The following TMTC2 variants were observed in gnomAD, a reference collection of about 807,000 sequenced individuals.
TMTC2 encodes the protein transmembrane O-mannosyltransferase targeting cadherins 2, also known as protein O-mannosyl-transferase TMTC2.
TMTC2 carries 43 observed loss-of-function variants against 82.4 expected under a neutral mutation model. The observed-to-expected ratio is 0.52, with a 90% CI of 0.41 to 0.67. The LOEUF (loss-of-function observed/expected upper bound fraction) is 0.67. Among genes scored for constraint, TMTC2 ranks in the 30% least tolerant of loss-of-function variants. The pLI is 0.00. For missense variants in TMTC2, 919 were observed against 1,012.4 expected, an observed-to-expected ratio of 0.91 and a Z score of 1.25; for synonymous variants, 408 against 381.9, an observed-to-expected ratio of 1.07 and a Z score of -0.80.
At chr12:83,095,814 C>T (rs1182419397) in intron 11 of TMTC2, among the ~76,000 whole-genome samples, 1 of 152,060 alleles carries the variant, frequency 6.6e-6, no homozygotes, top group East Asian at 1.9e-4. Flanking sequence ...TTAAATATGC[C>T]TCCAAGGCCT....
At chr12:83,057,065 C>T (rs1430846989) in intron 10 of TMTC2, among the ~76,000 whole-genome samples, 1 of 151,862 alleles carries the variant, frequency 6.6e-6, no homozygotes, top group Admixed American at 6.6e-5. Context: ...TTCTCCTTAT[C>T]CAAACATTAC....
intron 1 of TMTC2, among the ~76,000 whole-genome samples, chr12:82,734,983 C>T (rs767316368): frequency 6.6e-6 from 1 of 152,138 alleles, no homozygotes; most frequent in African/African-American, 2.4e-5. Flanking sequence ...AGAGAGCCCA[C>T]GTGGTATATT....
intron 1 of TMTC2, among the ~76,000 whole-genome samples, chr12:82,794,976 T>C (rs1051479997): frequency 1.3e-5 from 2 of 152,066 alleles, no homozygotes; most frequent in African/African-American, 4.8e-5. Context: ...TAAGCCAACA[T>C]AGAAGAGTTC....
At chr12:82,834,604 A>G (rs974998138) in intron 1 of TMTC2, among the ~76,000 whole-genome samples, 1 of 152,148 alleles carries the variant, frequency 6.6e-6, no homozygotes, top group South Asian at 2.1e-4. Context: ...CCTTTTTCCA[A>G]GTCACCGTTT....
At chr12:82,996,017 T>G (rs1186973686) in intron 8 of TMTC2, among the ~76,000 whole-genome samples, 1 of 152,236 alleles carries the variant, frequency 6.6e-6, no homozygotes, top group African/African-American at 2.4e-5. Context: ...ATGCCTGACT[T>G]CAAAATGCAT....
chr12:82,967,837 G>C (rs951859362), intron 7 of TMTC2, among the ~76,000 whole-genome samples: 1 of 151,978 alleles, frequency 6.6e-6, no homozygotes, highest in Non-Finnish European at 1.5e-5. Flanking sequence ...TGCTTAAGTT[G>C]TTTAATATTT....
intron 9 of TMTC2, among the ~76,000 whole-genome samples, chr12:83,037,480 C>T (rs1013459402): frequency 4.6e-5 from 7 of 152,076 alleles, no homozygotes; most frequent in Admixed American, 1.3e-4. Context: ...ATTACAATTA[C>T]GTTTAATACT....
intron 11 of TMTC2, among the ~76,000 whole-genome samples, chr12:83,066,708 G>T (rs1882929114): frequency 1.3e-5 from 2 of 151,792 alleles, no homozygotes; most frequent in Admixed American, 6.6e-5. Context: ...GATAAATTAA[G>T]CAATAGATTA....
rs77769262 is a variant in TMTC2, at chr12:82,999,262, G to A, written c.2070+13216G>A. Among the ~76,000 whole-genome samples the A allele has an allele frequency of 9.1e-3, 1,388 of 152,268 alleles. 18 individuals are homozygous for A. The highest frequency in any genetic ancestry group is 0.031 in the African/African-American group (1,299 of 41,536). ...CATATATTTTGTAGAATGTTCCTCA[G>A]TTGGTATTTGGCTGATATTTTGTCA... On this transcript the variant is annotated intron_variant, in intron 8 of 11. Transcript: ENST00000321196.
intron 7 of TMTC2, among the ~76,000 whole-genome samples, chr12:82,970,276 C>G (rs1180316016): frequency 6.6e-6 from 1 of 152,280 alleles, no homozygotes; most frequent in Admixed American, 6.5e-5. Context: ...GGTCCAACTA[C>G]TTAACCTAGT....
chr12:83,021,764 G>A (rs1424665816), intron 8 of TMTC2: 1 of 152,050 alleles, frequency 6.6e-6, no homozygotes, highest in Non-Finnish European at 1.5e-5. Context: ...AACCTTCTAA[G>A]AGGTCTCCCT....
At chr12:83,004,607 A>G (rs1168647126) in intron 8 of TMTC2, among the ~76,000 whole-genome samples, 1 of 150,864 alleles carries the variant, frequency 6.6e-6, no homozygotes, top group Non-Finnish European at 1.5e-5. Flanking sequence ...TGAGATATGT[A>G]TCTATTCATT....
chr12:82,755,411 A>G (rs1375460417), intron 1 of TMTC2, among the ~76,000 whole-genome samples: 1 of 152,208 alleles, frequency 6.6e-6, no homozygotes, highest in African/African-American at 2.4e-5. Context: ...GCAATCAAAA[A>G]GGGGTTCATC....
intron 8 of TMTC2, among the ~76,000 whole-genome samples, chr12:83,025,844 T>C (rs576822887): frequency 2.0e-5 from 3 of 152,234 alleles, no homozygotes; most frequent in East Asian, 1.9e-4. Flanking sequence ...AAGGATACAA[T>C]TGAACAGCCA....
chr12:82,688,451 G>A (rs1032750003), intron 1 of TMTC2, among the ~76,000 whole-genome samples: 1 of 152,126 alleles, frequency 6.6e-6, no homozygotes, highest in African/African-American at 2.4e-5. Flanking sequence ...CAAAGAAACT[G>A]CATCGATTTC....
At chr12:82,789,976 G>A (rs1336448285) in intron 1 of TMTC2, among the ~76,000 whole-genome samples, 1 of 152,026 alleles carries the variant, frequency 6.6e-6, no homozygotes, top group African/African-American at 2.4e-5. Context: ...ACTTTGGAAG[G>A]CCAAGATAGG....
At chr12:83,011,697 C>T (rs963646010) in intron 8 of TMTC2, among the ~76,000 whole-genome samples, 1 of 152,168 alleles carries the variant, frequency 6.6e-6, no homozygotes, top group Non-Finnish European at 1.5e-5. Flanking sequence ...TGCCTCTCCA[C>T]TTAGCAAAGT....
chr12:83,015,970 C>G (rs1301279510), intron 8 of TMTC2, among the ~76,000 whole-genome samples: 3 of 152,196 alleles, frequency 2.0e-5, no homozygotes, highest in Non-Finnish European at 4.4e-5. Flanking sequence ...ACTTCACACT[C>G]TAGAAGCGAA....
chr12:83,077,686 T>C (rs1189914077), intron 11 of TMTC2, among the ~76,000 whole-genome samples: 2 of 152,060 alleles, frequency 1.3e-5, no homozygotes, highest in African/African-American at 4.8e-5. Context: ...GCGATTCTCC[T>C]GCCTCAGCCT....
Sources: allele counts gnomAD v4.1 joint callset (sites outside exome capture counted in the v4.1 genomes callset), GRCh38; gene constraint gnomAD v4.1.1; transcripts MANE v1.5; gene names NCBI Gene and HGNC (gene_info 2026-07-23, HGNC 2026-07-21).